CDK14: variants seen among roughly 807,000 people sequenced by gnomAD.
CDK14 encodes the protein cyclin dependent kinase 14, also known as cyclin-dependent kinase 14.
A neutral mutation model predicts 60.7 loss-of-function variants in CDK14; 34 were observed. The ratio of observed to expected loss-of-function variants is 0.56; its 90% CI spans 0.43 to 0.75. The LOEUF (loss-of-function observed/expected upper bound fraction) is 0.75. Among genes scored for constraint, CDK14 ranks in the 30% least tolerant of loss-of-function variants. CDK14 has a pLI of 0.00. For missense variants in CDK14, 482 were observed against 564.1 expected, an observed-to-expected ratio of 0.85 and a Z score of 1.47; for synonymous variants, 197 against 203.7, an observed-to-expected ratio of 0.97 and a Z score of 0.28.
intron 8 of CDK14, among the ~76,000 whole-genome samples, chr7:90,947,997 T>C (rs1794149841): frequency 6.6e-6 from 1 of 152,222 alleles, no homozygotes; most frequent in Admixed American, 6.5e-5. Context: ...TTAACACATA[T>C]AGATACATAC....
chr7:90,779,747 A>G (rs1805228873), intron 4 of CDK14, among the ~76,000 whole-genome samples: 1 of 152,174 alleles, frequency 6.6e-6, no homozygotes, highest in Non-Finnish European at 1.5e-5. Context: ...ATATTACTTT[A>G]TATTAGATTT....
chr7:90,910,469 T>C (rs1415207422), intron 7 of CDK14, among the ~76,000 whole-genome samples: 2 of 152,140 alleles, frequency 1.3e-5, no homozygotes, highest in East Asian at 3.8e-4. Context: ...TTCTAGGAAG[T>C]TGGATATGTG....
chr7:91,028,296 A>AC (rs954466051), intron 10 of CDK14, among the ~76,000 whole-genome samples: 2 of 150,778 alleles, frequency 1.3e-5, no homozygotes, highest in South Asian at 2.1e-4. Flanking sequence ...ACACACACAC[A>AC]CCCCCCACAT....
intron 10 of CDK14, among the ~76,000 whole-genome samples, chr7:91,012,408 A>G (rs538138776): frequency 1.3e-4 from 20 of 152,320 alleles, no homozygotes; most frequent in African/African-American, 4.3e-4. Context: ...GCAGATCTTC[A>G]TAGTTTTCTC....
At chr7:90,981,963 C>A (rs1452014649) in intron 9 of CDK14, among the ~76,000 whole-genome samples, 1 of 152,150 alleles carries the variant, frequency 6.6e-6, no homozygotes, top group Admixed American at 6.5e-5. Context: ...TCTACATATG[C>A]TAGTTTCTTA....
At chr7:90,682,201 G>A (rs914534539) in intron 2 of CDK14, among the ~76,000 whole-genome samples, 4 of 151,914 alleles carry the variant, frequency 2.6e-5, no homozygotes, top group Non-Finnish European at 4.4e-5. Context: ...TAGTAAGAAC[G>A]TATCCAGTAA....
At chr7:90,817,052 C>A (rs1026080828) in intron 5 of CDK14, among the ~76,000 whole-genome samples, 8 of 151,968 alleles carry the variant, frequency 5.3e-5, no homozygotes, top group Non-Finnish European at 1.5e-5. Context: ...TGTGAAGTGC[C>A]AAAAAACACG....
intron 2 of CDK14, among the ~76,000 whole-genome samples, chr7:90,693,862 ACCTTGGT>A (rs1237885343): frequency 2.0e-5 from 3 of 152,210 alleles, no homozygotes; most frequent in African/African-American, 7.2e-5. Flanking sequence ...CTAATATGAC[ACCTTGGT>A]CCTTGATTTA....
intron 5 of CDK14, among the ~76,000 whole-genome samples, chr7:90,800,149 T>G (rs900241207): frequency 9.2e-5 from 14 of 152,164 alleles, no homozygotes; most frequent in African/African-American, 3.1e-4. Flanking sequence ...CTCTCTTCCT[T>G]TCTCCACCCT....
At chr7:90,994,573 G>A (rs1005395469) in intron 10 of CDK14, among the ~76,000 whole-genome samples, 7 of 152,136 alleles carry the variant, frequency 4.6e-5, no homozygotes, top group African/African-American at 9.7e-5. Flanking sequence ...TCACCAAGTC[G>A]AGCTGATAAA....
intron 10 of CDK14, among the ~76,000 whole-genome samples, chr7:90,987,163 T>C (rs1040561628): frequency 1.3e-5 from 2 of 152,022 alleles, no homozygotes. Flanking sequence ...GGATTATTTC[T>C]TGTATGAAAT....
At chr7:90,712,703 T>G (rs62469738) in intron 2 of CDK14, among the ~76,000 whole-genome samples, 10,433 of 152,198 alleles carry the variant, frequency 0.069, 484 homozygotes, top group South Asian at 0.11. Flanking sequence ...GTATTATAAT[T>G]GAGATGCTAA....
intron 5 of CDK14, among the ~76,000 whole-genome samples, chr7:90,810,387 T>C (rs1024809254): frequency 2.5e-4 from 38 of 152,196 alleles, no homozygotes; most frequent in Admixed American, 1.2e-3. Context: ...ATTATCTGAA[T>C]AGATGTGGAA....
chr7:90,895,303 ATTCTTTCCTC>A (rs200454530), intron 6 of CDK14, among the ~76,000 whole-genome samples: 6 of 78,646 alleles, frequency 7.6e-5, no homozygotes, highest in Non-Finnish European at 2.8e-5. Flanking sequence ...CACTTTTCCC[ATTCTTTCCTC>A]TTCTTTCCTC....
chr7:90,604,910 C>T (rs1799386276), intron 2 of CDK14, among the ~76,000 whole-genome samples: 1 of 152,132 alleles, frequency 6.6e-6, no homozygotes, highest in South Asian at 2.1e-4. Context: ...TTTCACAGTG[C>T]CAAAGAGTGA....
At chr7:90,758,616 T>C (rs1249159417) in intron 4 of CDK14, among the ~76,000 whole-genome samples, 2 of 152,244 alleles carry the variant, frequency 1.3e-5, no homozygotes, top group Admixed American at 6.5e-5. Context: ...ATTATGCCTT[T>C]TTTATGCTGT....
intron 2 of CDK14, chr7:90,631,792 T>C (rs1331482373): frequency 6.6e-6 from 1 of 152,162 alleles, no homozygotes; most frequent in African/African-American, 2.4e-5. Context: ...AGAATGTTGC[T>C]CATTAATTGG....
chr7:91,074,991 A>G (rs1047831342), intron 11 of CDK14, among the ~76,000 whole-genome samples: 3 of 152,248 alleles, frequency 2.0e-5, no homozygotes. Context: ...AAATTGGGGC[A>G]GTAATTCGTA....
At chr7:90,698,067 CAA>C (rs71104484) in intron 2 of CDK14, among the ~76,000 whole-genome samples, 1 of 75,738 alleles carries the variant, frequency 1.3e-5, no homozygotes, top group African/African-American at 5.6e-5. Flanking sequence ...GACTCTGTCT[CAA>C]AAAAAAAAAA....
Sources: gnomAD v4.1 joint callset for allele counts (sites outside exome capture counted in the v4.1 genomes callset) on GRCh38, gnomAD v4.1.1 for gene constraint, MANE v1.5 for transcripts, NCBI Gene and HGNC (gene_info 2026-07-23, HGNC 2026-07-21) for gene names.